DMD: variants seen among roughly 807,000 people sequenced by gnomAD.
DMD encodes mutant dystrophin.
Under a neutral mutation model 330.1 loss-of-function variants are expected in DMD, and 63 were observed. The ratio of observed to expected loss-of-function variants is 0.19; its 90% confidence interval spans 0.16 to 0.24. The LOEUF (loss-of-function observed/expected upper bound fraction) is 0.24, where lower values mean the gene tolerates loss of function less well. Ranked by LOEUF, DMD falls within the 10% of genes least tolerant of loss-of-function variation. The pLI, the probability that DMD is intolerant of heterozygous loss-of-function variation, is 1.00. For synonymous variants in DMD, 1,223 were observed against 959.8 expected (o/e 1.27, Z -5.07); for missense variants, 3,344 against 2,684.1 (o/e 1.25, Z -5.43).
intron 55 of DMD, among the ~76,000 whole-genome samples, chrX:31,614,538 C>G (rs181630582): frequency 9.8e-4 from 110 of 111,882 alleles, no homozygotes; most frequent in African/African-American, 3.5e-3. Flanking sequence ...GACTCAGGAG[C>G]AAACAAAAGT....
intron 62 of DMD, among the ~76,000 whole-genome samples, chrX:31,280,068 G>A (rs988717414): frequency 8.9e-6 from 1 of 111,890 alleles, no homozygotes; most frequent in African/African-American, 3.3e-5. Context: ...AAGAAAGAAC[G>A]TTAGAAACTA....
intron 42 of DMD, among the ~76,000 whole-genome samples, chrX:32,298,889 A>G (rs1422146961): frequency 2.7e-5 from 3 of 111,136 alleles, no homozygotes; most frequent in East Asian, 2.9e-4. Flanking sequence ...TTTGGGGATA[A>G]CAGAAATCGA....
intron 54 of DMD, among the ~76,000 whole-genome samples, chrX:31,631,209 A>G (rs370583519): frequency 2.7e-5 from 3 of 110,614 alleles, no homozygotes; most frequent in African/African-American, 9.9e-5. Context: ...TGAGAATCAC[A>G]GTTGCCAGGA....
At chrX:33,109,488 A>T (rs1164759690) in intron 1 of DMD, among the ~76,000 whole-genome samples, 1 of 111,948 alleles carries the variant, frequency 8.9e-6, no homozygotes, top group Non-Finnish European at 1.9e-5. Flanking sequence ...TCTCCCAGAA[A>T]GCCAAATAAA....
intron 1 of DMD, among the ~76,000 whole-genome samples, chrX:33,028,412 A>C (rs994794015): frequency 8.9e-6 from 1 of 112,031 alleles, no homozygotes; most frequent in African/African-American, 3.2e-5. Context: ...TACAGGCTAG[A>C]TTATTCAGAA....
chrX:33,104,953 CTG>C (rs1354614176), intron 1 of DMD, among the ~76,000 whole-genome samples: 1 of 112,046 alleles, frequency 8.9e-6, no homozygotes, highest in Non-Finnish European at 1.9e-5. Context: ...AACAAAGTAA[CTG>C]ATTTAGTTAA....
intron 30 of DMD, among the ~76,000 whole-genome samples, chrX:32,401,607 T>A (rs897603228): frequency 9.0e-6 from 1 of 111,513 alleles, no homozygotes; most frequent in Non-Finnish European, 1.9e-5. Flanking sequence ...GGATGGTTAA[T>A]GGGTACAAAA....
chrX:31,395,765 T>A (rs1457699144), intron 60 of DMD, among the ~76,000 whole-genome samples: 1 of 111,600 alleles, frequency 9.0e-6, no homozygotes, highest in Non-Finnish European at 1.9e-5. Context: ...TTTCCAGACA[T>A]CTTAATATTG....
intron 62 of DMD, among the ~76,000 whole-genome samples, chrX:31,284,321 A>G (rs2052858199): frequency 9.0e-6 from 1 of 111,654 alleles, no homozygotes; most frequent in African/African-American, 3.3e-5. Context: ...ATGAGGAAAG[A>G]ATAGAGAGAG....
intron 43 of DMD, among the ~76,000 whole-genome samples, chrX:32,279,654 C>A (rs2097405460): frequency 1.3e-5 from 1 of 79,344 alleles, no homozygotes; most frequent in African/African-American, 4.5e-5. Flanking sequence ...GGATGGTTAC[C>A]AGAGGCTGTG....
At chrX:32,503,784 G>A (rs228317) in intron 18 of DMD, among the ~76,000 whole-genome samples, 2 of 109,990 alleles carry the variant, frequency 1.8e-5, no homozygotes, top group Non-Finnish European at 1.9e-5. Flanking sequence ...TCAAACTCCT[G>A]ACCTCATCAT....
At chrX:31,963,129 TG>T (rs1474333412) in intron 45 of DMD, among the ~76,000 whole-genome samples, 2 of 111,847 alleles carry the variant, frequency 1.8e-5, no homozygotes, top group Non-Finnish European at 3.8e-5. Context: ...GAATTGCTAA[TG>T]GAGACTTTCA....
rs756985890 is a variant in DMD at position 32,881,682 on chromosome X, A to G, written c.94-31862T>C. ...ATAAGATGTTTTTGTTGCCTTAAGT[A>G]TTGCTTTTTAATCCTTGAAATTCAG... On this transcript the variant is annotated intron_variant, in intron 2 of 78. Coordinates refer to ENST00000357033, the MANE Select transcript of DMD (RefSeq NM_004006.3). Among the ~76,000 whole-genome samples the G allele has an allele frequency of 3.6e-5, 4 of 112,409 alleles. No homozygotes were observed. In the South Asian group the frequency reaches 1.5e-3, roughly 41 times the overall value.
chrX:32,456,639 T>C (rs6631589), intron 25 of DMD, among the ~76,000 whole-genome samples: 54,511 of 103,218 alleles, frequency 0.53, 12,012 homozygotes, highest in East Asian at 0.7. Context: ...TGTGTGCACG[T>C]GCTCAAGTAT....
intron 9 of DMD, among the ~76,000 whole-genome samples, chrX:32,671,854 T>G (rs1246522834): frequency 8.9e-6 from 1 of 111,984 alleles, no homozygotes; most frequent in Non-Finnish European, 1.9e-5. Flanking sequence ...ATGCATATAC[T>G]TTTTATATGC....
intron 30 of DMD, among the ~76,000 whole-genome samples, chrX:32,410,963 T>C (rs2098139345): frequency 9.0e-6 from 1 of 111,473 alleles, no homozygotes; most frequent in Non-Finnish European, 1.9e-5. Context: ...CATGTAGCTA[T>C]ATTGAGCATG....
intron 52 of DMD, among the ~76,000 whole-genome samples, chrX:31,715,971 GTATT>G (rs1427915368): frequency 1.8e-5 from 2 of 111,960 alleles, no homozygotes; most frequent in Non-Finnish European, 3.8e-5. Flanking sequence ...CAATCAGTAA[GTATT>G]TATGGCATTC....
intron 1 of DMD, among the ~76,000 whole-genome samples, chrX:33,110,537 G>C (rs967963448): frequency 9.0e-6 from 1 of 111,226 alleles, no homozygotes. Flanking sequence ...GATTTTTCAA[G>C]ATATCCAAAA....
At chrX:32,192,815 G>A (rs1259352734) in intron 44 of DMD, among the ~76,000 whole-genome samples, 1 of 111,736 alleles carries the variant, frequency 8.9e-6, no homozygotes, top group Non-Finnish European at 1.9e-5. Context: ...CTAGATTTCA[G>A]CCATTAGCAA....
Sources: allele counts gnomAD v4.1 joint callset (sites outside exome capture counted in the v4.1 genomes callset), GRCh38; gene constraint gnomAD v4.1.1; transcripts MANE v1.5; gene names NCBI Gene and HGNC (gene_info 2026-07-23, HGNC 2026-07-21).